The following PARM1 variants were observed in gnomAD, a reference collection of about 807,000 sequenced individuals.
PARM1 encodes prostate androgen-regulated mucin-like protein 1, also known as WSC4, cell wall integrity and stress response component 4 homolog.
A neutral mutation model predicts 24.6 loss-of-function variants in PARM1; 14 were observed. The observed-to-expected ratio is 0.57, with a 90% CI of 0.38 to 0.89. The LOEUF (loss-of-function observed/expected upper bound fraction) is 0.89, where lower values mean the gene tolerates loss of function less well. Among genes scored for constraint, PARM1 ranks in the 40% least tolerant of loss-of-function variants. PARM1 has a pLI of 0.00. For synonymous variants in PARM1, 179 were observed against 156.6 expected (o/e 1.14, Z -1.07); for missense variants, 362 against 380.4 (o/e 0.95, Z 0.40).
rs536108305 is a variant in PARM1 at position 75,025,694 on chromosome 4, G to C, written c.770-8189G>C. Among the ~76,000 whole-genome samples, 4 of 152,268 alleles carry C rather than the reference G, an allele frequency of 2.6e-5. No homozygotes were observed. In the South Asian group the frequency reaches 8.3e-4, roughly 32 times the overall value. ...TGAAGGAAGAGGAAACAAGCACTGG[G>C]CTTGCGCAAGTGCAAGTATTTTATT... On this transcript the variant is annotated intron_variant, in intron 2 of 3. Coordinates refer to ENST00000307428, the MANE Select transcript of PARM1 (RefSeq NM_015393.4).
At chr4:74,966,422 C>T (rs1251545185) in intron 1 of PARM1, among the ~76,000 whole-genome samples, 1 of 152,022 alleles carries the variant, frequency 6.6e-6, no homozygotes, top group Non-Finnish European at 1.5e-5. Context: ...AGGAGACATC[C>T]AGGGTAAGGG....
intron 1 of PARM1, among the ~76,000 whole-genome samples, chr4:74,974,543 C>T (rs1722102332): frequency 6.6e-6 from 1 of 152,200 alleles, no homozygotes; most frequent in Non-Finnish European, 1.5e-5. Context: ...CAGAAGTTTT[C>T]TATTCTCTAT....
intron 2 of PARM1, among the ~76,000 whole-genome samples, chr4:75,028,804 G>A (rs768305834): frequency 2.0e-5 from 3 of 152,306 alleles, no homozygotes; most frequent in South Asian, 2.1e-4. Flanking sequence ...TTCTTCAGAG[G>A]TTGTTTGGGT....
At chr4:75,042,075 T>C (rs1723499421) in intron 3 of PARM1, among the ~76,000 whole-genome samples, 1 of 152,216 alleles carries the variant, frequency 6.6e-6, no homozygotes, top group African/African-American at 2.4e-5. Context: ...TTTCCAATTA[T>C]ACTATACAAT....
intron 1 of PARM1, among the ~76,000 whole-genome samples, chr4:74,954,471 G>A (rs1488730251): frequency 1.3e-5 from 2 of 152,180 alleles, no homozygotes; most frequent in Non-Finnish European, 2.9e-5. Flanking sequence ...TTCTAACAAC[G>A]TAAACTTGAC....
Position 75,012,868 on chromosome 4 carries a change from A to G in PARM1, c.487A>G (p.Thr163Ala), listed in dbSNP as rs757858586. 5.5e-5 allele frequency: 89 copies of G among 1,613,454 alleles called. 1 individual carries two copies. In the Admixed American group the frequency reaches 1.5e-3, roughly 26 times the overall value. The change falls in exon 2 of 4, where the codon ACC becomes GCC. Residue 163 changes from threonine (T) to alanine (A), a missense_variant. Thr to Ala is a moderately conservative substitution (Grantham distance 58). Coordinates refer to ENST00000307428, the MANE Select transcript of PARM1 (RefSeq NM_015393.4). ...AGCCTCATCACCCTCATCCCTATCA[A>G]CCTCACCACCTGAGGTCTTTTCTGC... ...APASSPSSLS[T>A]SPPEVFSASV... is the part of the protein sequence containing the mutation.
chr4:74,938,253 C>G (rs551721069), intron 1 of PARM1, among the ~76,000 whole-genome samples: 4 of 152,124 alleles, frequency 2.6e-5, no homozygotes, highest in Non-Finnish European at 5.9e-5. Flanking sequence ...ATAATTTACC[C>G]TAAGGGGATT....
In PARM1 at chr4:74,995,629, G is replaced by A. The variant is rs543390745; in HGVS notation, c.44-16796G>A. ...TCTTAAGCATTCATTCACTCTGTAT[G>A]GGTCCTATGAGAAGTACTCAGAGTG... On this transcript the variant is annotated intron_variant, in intron 1 of 3. Transcript: ENST00000307428. 2.6e-5 allele frequency among the ~76,000 whole-genome samples: 4 copies of A among 152,208 alleles called. No homozygotes were observed. The South Asian group carries it at 6.2e-4, about 24-fold the overall frequency.
chr4:74,960,580 T>C (rs1391182274), intron 1 of PARM1, among the ~76,000 whole-genome samples: 1 of 152,154 alleles, frequency 6.6e-6, no homozygotes, highest in Non-Finnish European at 1.5e-5. Flanking sequence ...TATATTATTA[T>C]ATTCAAAAGT....
chr4:75,012,502 A>G lies in PARM1; in HGVS notation c.121A>G (p.Ile41Val). 1.2e-6 allele frequency: 2 copies of G among 1,613,930 alleles called. No individual in the cohort carries two copies. Among genetic ancestry groups the G allele is most frequent in the South Asian group, 2.2e-5 (2 of 91,064 alleles). Residue 41 changes from isoleucine to valine, a missense_variant, in exon 2 of 4, where the codon ATC becomes GTC. Physicochemically the swap from Ile to Val is conservative, Grantham distance 29 (BLOSUM62 3). Transcript: ENST00000307428. ...GACAAACATTGTACCACCGACCACC[A>G]TCTGGACTAGCTCTCCACAAAACAC... ...LPTNIVPPTT[I>V]WTSSPQNTDA...
chr4:74,986,227 G>T (rs1722353057), intron 1 of PARM1, among the ~76,000 whole-genome samples: 1 of 152,036 alleles, frequency 6.6e-6, no homozygotes, highest in Non-Finnish European at 1.5e-5. Flanking sequence ...AAAAAAAATG[G>T]ATTTGGCTAG....
intron 2 of PARM1, among the ~76,000 whole-genome samples, chr4:75,018,742 T>C (rs1723033167): frequency 1.3e-5 from 2 of 152,210 alleles, no homozygotes; most frequent in South Asian, 4.1e-4. Context: ...CTCAGAACGT[T>C]CCAGTGGTGT....
At chr4:74,959,169 G>A (rs940124264) in intron 1 of PARM1, among the ~76,000 whole-genome samples, 19 of 152,070 alleles carry the variant, frequency 1.2e-4, no homozygotes, top group East Asian at 3.8e-4. Context: ...AGTGGCTATC[G>A]TATTAGACAC....
intron 1 of PARM1, chr4:74,956,605 C>T (rs978146955): frequency 6.6e-6 from 1 of 152,104 alleles, no homozygotes; most frequent in African/African-American, 2.4e-5. Flanking sequence ...TTCTTTTCTT[C>T]CCAGGGGAAG....
intron 1 of PARM1, among the ~76,000 whole-genome samples, chr4:75,005,081 T>G (rs146693745): frequency 6.6e-6 from 1 of 152,280 alleles, no homozygotes; most frequent in East Asian, 1.9e-4. Flanking sequence ...TCAGTACACT[T>G]GTTAATATAT....
chr4:75,019,324 A>G (rs1372720441), intron 2 of PARM1, among the ~76,000 whole-genome samples: 1 of 152,268 alleles, frequency 6.6e-6, no homozygotes, highest in African/African-American at 2.4e-5. Flanking sequence ...TATTCAAAAC[A>G]TCATCAGTTC....
chr4:75,046,134 A>T, intron 3 of PARM1, 29 bp from the exon 4 acceptor site: 1 of 1,528,570 alleles, frequency 6.5e-7, no homozygotes, highest in Non-Finnish European at 9.1e-7. Flanking sequence ...TTTCCAAGTA[A>T]TCACAACCCT....
intron 1 of PARM1, among the ~76,000 whole-genome samples, chr4:74,937,700 C>T (rs1372313354): frequency 6.6e-6 from 1 of 152,158 alleles, no homozygotes; most frequent in East Asian, 1.9e-4. Context: ...ATGAAGTGTA[C>T]TATATGCTGC....
intron 1 of PARM1, among the ~76,000 whole-genome samples, chr4:74,950,756 C>T (rs1721506721): frequency 6.6e-6 from 1 of 151,802 alleles, no homozygotes; most frequent in African/African-American, 2.4e-5. Context: ...TTATTTGTTT[C>T]CTTATTTATC....
Sources: gnomAD v4.1 joint callset for allele counts (sites outside exome capture counted in the v4.1 genomes callset) on GRCh38, gnomAD v4.1.1 for gene constraint, MANE v1.5 for transcripts, NCBI Gene and HGNC (gene_info 2026-07-23, HGNC 2026-07-21) for gene names.